The following TUSC3 variants were observed in gnomAD, a reference collection of about 807,000 sequenced individuals.
TUSC3 encodes the protein dolichyl-diphosphooligosaccharide--protein glycosyltransferase subunit TUSC3.
In TUSC3, 45 loss-of-function variants were observed where a neutral mutation model predicts 44.8. The ratio of observed to expected loss-of-function variants is 1.00; its 90% CI spans 0.79 to 1.29. The LOEUF is 1.29. TUSC3 is among the 50% of genes most tolerant of loss of function. The pLI, the probability that TUSC3 is intolerant of heterozygous loss-of-function variation, is 0.00. For missense variants in TUSC3, 519 were observed against 437.9 expected (o/e 1.19, Z -1.65); for synonymous variants, 212 against 152.9 (o/e 1.39, Z -2.85).
rs529585802 is a variant in TUSC3, at chr8:15,463,764, C to G, written n.92-19622C>G. 1.4e-4 allele frequency among the ~76,000 whole-genome samples: 22 copies of G among 152,238 alleles called. 1 individual carries two copies. The highest frequency in any genetic ancestry group is 5.1e-4 in the African/African-American group (21 of 41,554). ...CTTGGCTTACCTTCTGTCATCAGTT[C>G]GTCGCTTCTCTACAACCAGGATGAT... On this transcript the variant is annotated intron_variant and non_coding_transcript_variant, in intron 1 of 5. Transcript: ENST00000503191.
chr8:15,419,678 T>C (rs1338357579), intron 1 of TUSC3, among the ~76,000 whole-genome samples: 14 of 152,200 alleles, frequency 9.2e-5, no homozygotes, highest in Admixed American at 9.2e-4. Context: ...AAAATTTAAC[T>C]GAGAGTTTTA....
At chr8:15,417,287 C>T (rs1799672783) in exon 1 of TUSC3, 1 of 152,590 alleles carries the variant, frequency 6.6e-6, no homozygotes, top group African/African-American at 2.4e-5. Flanking sequence ...GCCATGCTTC[C>T]TGCATAGCCT....
chr8:15,740,059 C>G (rs534952909), intron 7 of TUSC3, among the ~76,000 whole-genome samples: 1 of 152,074 alleles, frequency 6.6e-6, no homozygotes, highest in Non-Finnish European at 1.5e-5. Flanking sequence ...AAAACGTATA[C>G]AATCTGAAAT....
chr8:15,795,399 A>C, the TUSC3 span, among the ~76,000 whole-genome samples: 3 of 152,206 alleles, frequency 2.0e-5, no homozygotes, highest in Admixed American at 1.3e-4. Context: ...AGCTAAAATC[A>C]GGGACAAATT....
chr8:15,470,479 A>C (rs970002306), intron 1 of TUSC3, among the ~76,000 whole-genome samples: 1 of 152,200 alleles, frequency 6.6e-6, no homozygotes, highest in African/African-American at 2.4e-5. Context: ...ATGTAGGCTC[A>C]TGGATTATAA....
rs528617827 is a variant in TUSC3, at chr8:15,651,054, C to T, written c.426+240C>T. 5 of 469,538 alleles carry T rather than the reference C, an allele frequency of 1.1e-5. 1 individual carries two copies. Among genetic ancestry groups the T allele is most frequent in the African/African-American group, 5.9e-5 (3 of 50,688 alleles). The allele number at this position is 469,538 out of a possible 1,614,324, so 29.1% of individuals were successfully genotyped here. On this transcript the variant is annotated intron_variant, in intron 3 of 10. Transcript: ENST00000503731. ...AATTCATTCAATAGGTTAGTAAATA[C>T]AATAAGTAGTTATAATACATTTTGT...
chr8:15,544,872 G>C (rs1801812508), intron 1 of TUSC3, among the ~76,000 whole-genome samples: 1 of 151,820 alleles, frequency 6.6e-6, no homozygotes, highest in Non-Finnish European at 1.5e-5. Context: ...CTTGAAGCGT[G>C]ATTGGAAATA....
At chr8:15,824,136 C>T in the TUSC3 span, among the ~76,000 whole-genome samples, 8 of 152,214 alleles carry the variant, frequency 5.3e-5, no homozygotes, top group African/African-American at 9.6e-5. Flanking sequence ...CCCTTATTCA[C>T]GGCAGAACTA....
At chr8:15,527,304 C>A (rs186577137) in intron 2 of TUSC3, among the ~76,000 whole-genome samples, 1 of 152,230 alleles carries the variant, frequency 6.6e-6, no homozygotes, top group Non-Finnish European at 1.5e-5. Flanking sequence ...ACAACCTCCG[C>A]CTCCCAGGTT....
intron 6 of TUSC3, among the ~76,000 whole-genome samples, chr8:15,719,817 T>G (rs1012375615): frequency 6.6e-6 from 1 of 152,106 alleles, no homozygotes; most frequent in Non-Finnish European, 1.5e-5. Flanking sequence ...AGCTCAATTC[T>G]ACACAGAATT....
chr8:15,823,055 C>T, the TUSC3 span, among the ~76,000 whole-genome samples: 1 of 152,114 alleles, frequency 6.6e-6, no homozygotes, highest in South Asian at 2.1e-4. Flanking sequence ...ACAAGCAGAT[C>T]AACCAGTGTG....
chr8:15,643,873 T>A (rs193099471), intron 2 of TUSC3, among the ~76,000 whole-genome samples: 9 of 152,286 alleles, frequency 5.9e-5, no homozygotes, highest in Admixed American at 3.3e-4. Context: ...GTGTGCTCGC[T>A]CCAGATCTTT....
chr8:15,623,755 A>G (rs1326627625), intron 2 of TUSC3, among the ~76,000 whole-genome samples: 1 of 152,190 alleles, frequency 6.6e-6, no homozygotes, highest in Non-Finnish European at 1.5e-5. Context: ...CCAAAAGTAT[A>G]CAACAAACAC....
intron 6 of TUSC3, among the ~76,000 whole-genome samples, chr8:15,695,612 G>A (rs1023949142): frequency 6.6e-6 from 1 of 152,208 alleles, no homozygotes; most frequent in Non-Finnish European, 1.5e-5. Context: ...GTCTGGAAAA[G>A]TTTGGGGGCT....
intron 1 of TUSC3, among the ~76,000 whole-genome samples, chr8:15,617,140 T>TGTGTGTGTGTGTGTGTGTGTGTG (rs1563136021): frequency 1.2e-4 from 1 of 8,124 alleles, no homozygotes; most frequent in African/African-American, 2.0e-4. Context: ...GTGTATATAT[T>TGTGTGTGTGTGTGTGTGTGTGTG]TTTTTTTTTT....
At chr8:15,689,785 G>A (rs530644212) in intron 6 of TUSC3, among the ~76,000 whole-genome samples, 3 of 149,998 alleles carry the variant, frequency 2.0e-5, no homozygotes, top group Admixed American at 6.6e-5. Flanking sequence ...CAAAGCACAT[G>A]ATCTCATTCT....
At chr8:15,738,176 C>T (rs1054539257) in intron 7 of TUSC3, among the ~76,000 whole-genome samples, 1 of 152,130 alleles carries the variant, frequency 6.6e-6, no homozygotes, top group African/African-American at 2.4e-5. Context: ...ATCATACTTA[C>T]TTACTGACCC....
chr8:15,700,849 C>CATTTTTTTTTTTT (rs1190018820), intron 6 of TUSC3, among the ~76,000 whole-genome samples: 1 of 90,536 alleles, frequency 1.1e-5, no homozygotes, highest in Non-Finnish European at 2.0e-5. Flanking sequence ...ATGGCTGGAG[C>CATTTTTTTTTTTT]TTTTTTTTTT....
chr8:15,686,034 G>C (rs1808614128), intron 6 of TUSC3, among the ~76,000 whole-genome samples: 1 of 152,064 alleles, frequency 6.6e-6, no homozygotes, highest in Non-Finnish European at 1.5e-5. Context: ...CAGGCAGTGT[G>C]ATGCGGTGCT....
Sources: gnomAD v4.1 joint callset for allele counts (sites outside exome capture counted in the v4.1 genomes callset) on GRCh38, gnomAD v4.1.1 for gene constraint, MANE v1.5 for transcripts, NCBI Gene and HGNC (gene_info 2026-07-23, HGNC 2026-07-21) for gene names.